Variants in SMYD3 observed in about 807,000 individuals in gnomAD.
SMYD3 encodes histone-lysine N-methyltransferase SMYD3.
SMYD3 carries 36 observed loss-of-function variants against 57.7 expected under a neutral mutation model. The ratio of observed to expected loss-of-function variants is 0.62; its 90% confidence interval spans 0.48 to 0.82. The LOEUF (loss-of-function observed/expected upper bound fraction) is 0.82. SMYD3 is among the 40% of genes least tolerant of loss of function. The pLI is 0.00. For missense variants in SMYD3, 515 were observed against 538.8 expected, an observed-to-expected ratio of 0.96 and a Z score of 0.44; for synonymous variants, 211 against 195.0, an observed-to-expected ratio of 1.08 and a Z score of -0.68.
chr1:246,356,047 C>T (rs374703469), intron 1 of SMYD3, among the ~76,000 whole-genome samples: 35 of 152,268 alleles, frequency 2.3e-4, no homozygotes, highest in African/African-American at 8.2e-4. Flanking sequence ...AACCAGCACA[C>T]TAAACAAAAA....
intron 5 of SMYD3, among the ~76,000 whole-genome samples, chr1:245,987,398 T>C (rs2058725116): frequency 6.6e-6 from 1 of 152,108 alleles, no homozygotes; most frequent in African/African-American, 2.4e-5. Flanking sequence ...CTACACACCA[T>C]TACTGTTTTG....
In SMYD3 at chr1:246,077,097, T is replaced by G. The variant is rs200697212; in HGVS notation, c.532-147160A>C. ...GTAGGACAATTCAGGGAAAGGTGAC[T>G]GGCTCAGTATGGCTGGAGCATACAG... On this transcript the variant is annotated intron_variant, in intron 5 of 11. Transcript: ENST00000490107. Among the ~76,000 whole-genome samples the G allele has an allele frequency of 7.2e-5, 11 of 152,286 alleles. No individual in the cohort carries two copies. In the East Asian group the frequency reaches 2.1e-3, roughly 29 times the overall value.
intron 5 of SMYD3, among the ~76,000 whole-genome samples, chr1:246,293,869 G>A (rs1025554973): frequency 4.6e-5 from 7 of 152,136 alleles, no homozygotes; most frequent in South Asian, 2.1e-4. Flanking sequence ...ACTCTAAGGT[G>A]CTCTAGCAAA....
intron 10 of SMYD3, among the ~76,000 whole-genome samples, chr1:245,840,799 G>A (rs1230444252): frequency 6.6e-6 from 1 of 150,826 alleles, no homozygotes; most frequent in African/African-American, 2.4e-5. Flanking sequence ...GAAAGGAAAA[G>A]GGAGGGATCC....
chr1:246,135,654 A>T (rs923681421), intron 5 of SMYD3, among the ~76,000 whole-genome samples: 7 of 152,152 alleles, frequency 4.6e-5, no homozygotes, highest in African/African-American at 1.7e-4. Flanking sequence ...ACACACACAC[A>T]TACGTGTATG....
intron 5 of SMYD3, among the ~76,000 whole-genome samples, chr1:246,176,961 A>T (rs1262950108): frequency 6.6e-6 from 1 of 152,236 alleles, no homozygotes; most frequent in Non-Finnish European, 1.5e-5. Flanking sequence ...ATAGACTTTA[A>T]CCCAAATTGG....
At chr1:246,266,930 T>C (rs2064121295) in intron 5 of SMYD3, among the ~76,000 whole-genome samples, 1 of 152,220 alleles carries the variant, frequency 6.6e-6, no homozygotes. Flanking sequence ...AATATTTTTT[T>C]CCTTTTCTTA....
In SMYD3 at chr1:246,124,838, C is replaced by T. The variant is rs184314023; in HGVS notation, c.532-194901G>A. Among the ~76,000 whole-genome samples the T allele has an allele frequency of 1.4e-3, 216 of 152,160 alleles. 3 individuals carry two copies. Among genetic ancestry groups the T allele is most frequent in the African/African-American group, 5.1e-3 (210 of 41,502 alleles). On this transcript the variant is annotated intron_variant, in intron 5 of 11. Transcript: ENST00000490107. ...CACTGTAATAGAGTGATCTTTTCTA[C>T]TTAAAACAAAATCTGGGCGGATCAT... is the stretch of plus-strand genomic sequence containing the variant.
chr1:245,907,014 AC>A (rs1321429623), intron 8 of SMYD3, among the ~76,000 whole-genome samples: 1 of 152,244 alleles, frequency 6.6e-6, no homozygotes, highest in Non-Finnish European at 1.5e-5. Flanking sequence ...CAAAAATCAA[AC>A]CAATTGAACT....
chr1:245,906,941 C>G (rs556373894), intron 8 of SMYD3, among the ~76,000 whole-genome samples: 1 of 152,116 alleles, frequency 6.6e-6, no homozygotes, highest in Non-Finnish European at 1.5e-5. Context: ...AAAAATCACA[C>G]GTTCTTATTT....
chr1:245,868,333 C>T (rs2051992746), intron 8 of SMYD3, among the ~76,000 whole-genome samples: 1 of 152,214 alleles, frequency 6.6e-6, no homozygotes, highest in African/African-American at 2.4e-5. Context: ...TTTGATTTCT[C>T]TCCTGGACTT....
At position 246,189,762 on chromosome 1, in the gene SMYD3, G is replaced by A. The variant is rs547313309; in HGVS notation, c.531+137439C>T. Among the ~76,000 whole-genome samples the A allele has an allele frequency of 5.3e-5, 8 of 152,232 alleles. No individual in the cohort carries two copies. In the South Asian group the frequency reaches 1.5e-3, roughly 28 times the overall value. The stretch of plus-strand genomic sequence containing the variant: ...TATGTACGTATCATGGTAGCACTCC[G>A]TGGTTTTAAGACATATTGAAACTCC... On this transcript the variant is annotated intron_variant, in intron 5 of 11. Transcript: ENST00000490107.
chr1:245,985,228 G>C (rs554310263), intron 5 of SMYD3, among the ~76,000 whole-genome samples: 1 of 152,042 alleles, frequency 6.6e-6, no homozygotes, highest in Non-Finnish European at 1.5e-5. Flanking sequence ...GTCTTCTGAT[G>C]CCATACATTT....
intron 5 of SMYD3, among the ~76,000 whole-genome samples, chr1:246,167,512 CTT>C (rs199801290): frequency 2.5e-4 from 34 of 137,672 alleles, no homozygotes; most frequent in East Asian, 2.1e-4. Context: ...GTTTTTTTTT[CTT>C]TTTTTTTTTT....
intron 5 of SMYD3, among the ~76,000 whole-genome samples, chr1:246,007,815 C>CAAAA (rs199605639): frequency 1.4e-5 from 2 of 138,338 alleles, no homozygotes; most frequent in East Asian, 2.0e-4. Context: ...AGACCCTGAC[C>CAAAA]AAAAAAAAAA....
At chr1:246,444,881 A>G (rs1008226167) in intron 1 of SMYD3, among the ~76,000 whole-genome samples, 1 of 152,216 alleles carries the variant, frequency 6.6e-6, no homozygotes, top group Non-Finnish European at 1.5e-5. Flanking sequence ...TAAAAGCTTT[A>G]GGATACGCAA....
intron 1 of SMYD3, among the ~76,000 whole-genome samples, chr1:246,487,936 T>C (rs1420617310): frequency 1.3e-5 from 2 of 152,116 alleles, no homozygotes; most frequent in Non-Finnish European, 2.9e-5. Context: ...TCAGGTGATC[T>C]GCATGCCTCA....
intron 5 of SMYD3, among the ~76,000 whole-genome samples, chr1:246,226,177 A>C (rs1480246268): frequency 6.6e-6 from 1 of 152,216 alleles, no homozygotes; most frequent in Admixed American, 6.5e-5. Context: ...TTTGGACACT[A>C]TGCTGACAGA....
intron 5 of SMYD3, among the ~76,000 whole-genome samples, chr1:245,932,843 T>A (rs2056801678): frequency 6.6e-6 from 1 of 152,176 alleles, no homozygotes; most frequent in East Asian, 1.9e-4. Context: ...ATTACAGGAG[T>A]GAGCCATAGC....
Sources: gnomAD v4.1 joint callset for allele counts (sites outside exome capture counted in the v4.1 genomes callset) on GRCh38, gnomAD v4.1.1 for gene constraint, MANE v1.5 for transcripts, NCBI Gene and HGNC (gene_info 2026-07-23, HGNC 2026-07-21) for gene names.